The following CHST11 variants were observed in gnomAD, a reference collection of about 807,000 sequenced individuals.
CHST11 encodes the protein carbohydrate sulfotransferase 11.
CHST11 carries 9 observed loss-of-function variants against 30.4 expected under a neutral mutation model. The ratio of observed to expected loss-of-function variants is 0.30; its 90% confidence interval spans 0.18 to 0.52. CHST11 has a LOEUF of 0.52. Ranked by LOEUF, CHST11 falls within the 20% of genes least tolerant of loss-of-function variation. The probability of loss-of-function intolerance (pLI) is 0.97; values close to 1 mark genes in which losing one functional copy is unlikely to be tolerated. For synonymous variants in CHST11, 152 were observed against 187.8 expected (o/e 0.81, Z 1.56); for missense variants, 348 against 460.6 (o/e 0.76, Z 2.24).
At chr12:104,525,782 T>G (rs1420938368) in intron 1 of CHST11, among the ~76,000 whole-genome samples, 1 of 152,176 alleles carries the variant, frequency 6.6e-6, no homozygotes, top group Non-Finnish European at 1.5e-5. Context: ...AAATAAGATA[T>G]GTGATGCCTT....
chr12:104,586,376 G>T (rs962703632), intron 1 of CHST11, among the ~76,000 whole-genome samples: 1 of 152,244 alleles, frequency 6.6e-6, no homozygotes, highest in African/African-American at 2.4e-5. Flanking sequence ...CGAGATGCCT[G>T]CCTGAGTGAG....
chr12:104,549,017 GT>G (rs748621021), intron 1 of CHST11, among the ~76,000 whole-genome samples: 3 of 152,214 alleles, frequency 2.0e-5, no homozygotes, highest in Non-Finnish European at 1.5e-5. Flanking sequence ...ATATAGAATG[GT>G]TGGTTTTCTA....
intron 2 of CHST11, among the ~76,000 whole-genome samples, chr12:104,717,588 A>G (rs1008574442): frequency 5.9e-5 from 9 of 152,124 alleles, no homozygotes; most frequent in Admixed American, 5.9e-4. Flanking sequence ...CCTAGCAAAT[A>G]TAGTGAAACC....
At chr12:104,568,888 T>C (rs2038596581) in intron 1 of CHST11, among the ~76,000 whole-genome samples, 2 of 152,150 alleles carry the variant, frequency 1.3e-5, no homozygotes. Context: ...TTGGAGATCT[T>C]TAAAAATAAA....
chr12:104,704,095 G>A (rs1270749029), intron 2 of CHST11, among the ~76,000 whole-genome samples: 2 of 152,226 alleles, frequency 1.3e-5, no homozygotes, highest in African/African-American at 2.4e-5. Flanking sequence ...AACGGAAGGT[G>A]TAGAGACGAG....
intron 1 of CHST11, among the ~76,000 whole-genome samples, chr12:104,563,814 T>C (rs1394507076): frequency 6.6e-6 from 1 of 151,848 alleles, no homozygotes; most frequent in Admixed American, 6.6e-5. Flanking sequence ...TTTCTGGGGT[T>C]GTATGGTTCG....
At chr12:104,551,331 C>T (rs1364870087) in intron 1 of CHST11, among the ~76,000 whole-genome samples, 2 of 152,082 alleles carry the variant, frequency 1.3e-5, no homozygotes, top group African/African-American at 4.8e-5. Context: ...GGGTGAGGGC[C>T]TCCAAACGCT....
chr12:104,570,374 C>T (rs2038611582), intron 1 of CHST11, among the ~76,000 whole-genome samples: 1 of 152,176 alleles, frequency 6.6e-6, no homozygotes, highest in Non-Finnish European at 1.5e-5. Context: ...CGTCTGTAAA[C>T]CTTCCACACT....
intron 2 of CHST11, among the ~76,000 whole-genome samples, chr12:104,701,173 G>A (rs1716822321): frequency 6.6e-6 from 1 of 152,154 alleles, no homozygotes; most frequent in African/African-American, 2.4e-5. Context: ...GAGGGGTTGA[G>A]TAACCGGGCC....
At chr12:104,659,048 C>T (rs910014038) in intron 2 of CHST11, among the ~76,000 whole-genome samples, 1 of 152,264 alleles carries the variant, frequency 6.6e-6, no homozygotes, top group African/African-American at 2.4e-5. Context: ...TTACCAAGGG[C>T]TCCCAAAACG....
chr12:104,708,497 C>A (rs955763480), intron 2 of CHST11, among the ~76,000 whole-genome samples: 1 of 152,120 alleles, frequency 6.6e-6, no homozygotes, highest in Non-Finnish European at 1.5e-5. Context: ...CTGGCAGGAT[C>A]CTGGTGAGGA....
intron 1 of CHST11, among the ~76,000 whole-genome samples, chr12:104,559,475 G>A (rs541349761): frequency 1.3e-5 from 2 of 152,330 alleles, no homozygotes; most frequent in South Asian, 4.1e-4. Flanking sequence ...GGGCGCGGTG[G>A]CCCATGCCTG....
chr12:104,708,420 G>C (rs1304992765), intron 2 of CHST11, among the ~76,000 whole-genome samples: 1 of 152,174 alleles, frequency 6.6e-6, no homozygotes, highest in African/African-American at 2.4e-5. Context: ...CCCCTGCCCA[G>C]CTGTACGGCA....
intron 2 of CHST11, among the ~76,000 whole-genome samples, chr12:104,614,019 T>A (rs1272412878): frequency 6.6e-6 from 1 of 152,232 alleles, no homozygotes; most frequent in Non-Finnish European, 1.5e-5. Context: ...ACTTGAAATC[T>A]GCTAGGAAAG....
At chr12:104,556,600 C>G (rs2038457711) in intron 1 of CHST11, among the ~76,000 whole-genome samples, 1 of 152,214 alleles carries the variant, frequency 6.6e-6, no homozygotes, top group African/African-American at 2.4e-5. Flanking sequence ...TCTCTCCAGG[C>G]TCTGCCTCTA....
At chr12:104,756,566 G>C (rs2040478280) in intron 2 of CHST11, among the ~76,000 whole-genome samples, 1 of 44,270 alleles carries the variant, frequency 2.3e-5, no homozygotes, top group Non-Finnish European at 5.1e-5. Context: ...TGTGTGTTTA[G>C]AGACAGGGTC....
At chr12:104,752,695 T>C (rs1272325724) in intron 2 of CHST11, among the ~76,000 whole-genome samples, 1 of 152,014 alleles carries the variant, frequency 6.6e-6, no homozygotes, top group Admixed American at 6.6e-5. Context: ...GCCCAGCTAA[T>C]TTTTTGTATT....
chr12:104,461,898 T>G (rs2037411315), intron 1 of CHST11, among the ~76,000 whole-genome samples: 6 of 152,042 alleles, frequency 3.9e-5, no homozygotes, highest in Admixed American at 3.9e-4. Context: ...GTGCGATGGC[T>G]CACACCTGTA....
chr12:104,613,501 C>T (rs1364699217), intron 2 of CHST11, among the ~76,000 whole-genome samples: 1 of 152,052 alleles, frequency 6.6e-6, no homozygotes, highest in Non-Finnish European at 1.5e-5. Context: ...GGGTGGATTT[C>T]CCCCTTGCTG....
Sources: allele counts gnomAD v4.1 joint callset (sites outside exome capture counted in the v4.1 genomes callset), GRCh38; gene constraint gnomAD v4.1.1; transcripts MANE v1.5; gene names NCBI Gene and HGNC (gene_info 2026-07-23, HGNC 2026-07-21).